The following CUL4A variants were observed in gnomAD, a reference collection of about 807,000 sequenced individuals.
The protein encoded by CUL4A is cullin 4A.
CUL4A carries 16 observed loss-of-function variants against 95.5 expected under a neutral mutation model. The observed-to-expected ratio is 0.17, with a 90% CI of 0.11 to 0.25. The LOEUF is 0.25. CUL4A is among the 10% of genes least tolerant of loss of function. The pLI is 1.00. For synonymous variants in CUL4A, 380 were observed against 353.1 expected (o/e 1.08, Z -0.85); for missense variants, 610 against 937.0 (o/e 0.65, Z 4.56).
chr13:113,217,882 T>C (rs1198167193), intron 2 of CUL4A, among the ~76,000 whole-genome samples: 1 of 152,234 alleles, frequency 6.6e-6, no homozygotes, highest in Non-Finnish European at 1.5e-5. Context: ...CTGGTAAGAA[T>C]GTACAAGCAT....
At chr13:113,212,058 T>C (rs1271434071) in intron 2 of CUL4A, among the ~76,000 whole-genome samples, 1 of 152,260 alleles carries the variant, frequency 6.6e-6, no homozygotes, top group Non-Finnish European at 1.5e-5. Flanking sequence ...TGCATTTCCC[T>C]CTGATGCTAA....
At chr13:113,209,918 A>G (rs1007616038) in intron 1 of CUL4A, 55 bp from the exon 2 acceptor site, 159 of 1,377,874 alleles carry the variant, frequency 1.2e-4, no homozygotes, top group Non-Finnish European at 1.4e-4. Context: ...GGGGGTGGCT[A>G]CGCGGGGCGC....
chr13:113,260,075 G>T (rs957276151), intron 18 of CUL4A, among the ~76,000 whole-genome samples: 2 of 150,340 alleles, frequency 1.3e-5, no homozygotes, highest in Admixed American at 6.7e-5. Flanking sequence ...ATGGTGGGGG[G>T]GCACCGTAGT....
intron 3 of CUL4A, chr13:113,219,570 C>G (rs1172239789): frequency 6.5e-6 from 1 of 154,424 alleles, no homozygotes; most frequent in South Asian, 2.0e-4. Flanking sequence ...GACTGAGGGC[C>G]CTGCCTTCTG....
chr13:113,216,557 A>G (rs997960597), intron 2 of CUL4A, among the ~76,000 whole-genome samples: 2 of 152,246 alleles, frequency 1.3e-5, no homozygotes, highest in African/African-American at 4.8e-5. Flanking sequence ...TCTACCTCCG[A>G]TCATTGGATT....
chr13:113,251,244 G>A (rs1447788493), intron 15 of CUL4A, among the ~76,000 whole-genome samples: 1 of 152,194 alleles, frequency 6.6e-6, no homozygotes, highest in Non-Finnish European at 1.5e-5. Context: ...TAGGTTTCAT[G>A]AGGGAGATGG....
intron 5 of CUL4A, among the ~76,000 whole-genome samples, chr13:113,230,780 T>TTAG (rs34774085): frequency 0.18 from 27,214 of 151,908 alleles, 2,816 homozygotes; most frequent in South Asian, 0.38. Flanking sequence ...ATTATTATTA[T>TTAG]TATTTTTAGA....
intron 2 of CUL4A, 131 bp downstream of exon 2, chr13:113,210,219 G>C: frequency 5.4e-6 from 3 of 555,342 alleles, no homozygotes; most frequent in Non-Finnish European, 9.0e-6. Context: ...CTCCACTGCA[G>C]GGCCGGGAGC....
At chr13:113,256,178 G>A (rs1352887368) in intron 18 of CUL4A, among the ~76,000 whole-genome samples, 3 of 152,090 alleles carry the variant, frequency 2.0e-5, no homozygotes, top group African/African-American at 7.2e-5. Flanking sequence ...AAACACCTGG[G>A]ATCACTGTAC....
chr13:113,213,866 T>G (rs2040543428), intron 2 of CUL4A, among the ~76,000 whole-genome samples: 1 of 152,248 alleles, frequency 6.6e-6, no homozygotes, highest in South Asian at 2.1e-4. Context: ...TTACTTGTGA[T>G]CATCTCTCCA....
intron 5 of CUL4A, among the ~76,000 whole-genome samples, chr13:113,230,833 C>T (rs1336311547): frequency 1.3e-5 from 2 of 152,054 alleles, no homozygotes; most frequent in African/African-American, 4.8e-5. Flanking sequence ...TGCAGTGGCA[C>T]AATCATAACT....
At chr13:113,217,264 T>G (rs569564559) in intron 2 of CUL4A, among the ~76,000 whole-genome samples, 1 of 152,268 alleles carries the variant, frequency 6.6e-6, no homozygotes, top group Middle Eastern at 3.4e-3. Flanking sequence ...CTCTTGGTTG[T>G]TTGAGGAGAC....
intron 19 of CUL4A, among the ~76,000 whole-genome samples, chr13:113,262,639 A>AC (rs1481855342): frequency 6.6e-6 from 1 of 152,190 alleles, no homozygotes; most frequent in African/African-American, 2.4e-5. Flanking sequence ...ACAAAATGAG[A>AC]CCCCATCTCA....
chr13:113,231,450 A>G (rs2041306782), intron 5 of CUL4A, among the ~76,000 whole-genome samples: 1 of 152,094 alleles, frequency 6.6e-6, no homozygotes, highest in Non-Finnish European at 1.5e-5. Context: ...GGGGAGTGGG[A>G]GGTGGGGAGG....
intron 9 of CUL4A, 71 bp from the exon 10 acceptor site, chr13:113,239,362 G>A (rs1171777460): frequency 4.1e-5 from 53 of 1,281,992 alleles, no homozygotes; most frequent in Non-Finnish European, 5.6e-5. Context: ...TCTGGTGCAC[G>A]CTGTATTCTA....
At chr13:113,210,161 G>A in intron 2 of CUL4A, 73 bp downstream of exon 2, 1 of 1,062,186 alleles carries the variant, frequency 9.4e-7, no homozygotes, top group African/African-American at 1.7e-5. Context: ...CGGCCGCTCC[G>A]GGTGCCTCGC....
At chr13:113,249,744 T>G (rs1479689318) in intron 15 of CUL4A, among the ~76,000 whole-genome samples, 1 of 152,148 alleles carries the variant, frequency 6.6e-6, no homozygotes, top group Non-Finnish European at 1.5e-5. Flanking sequence ...GCTTCCCACC[T>G]TCTCACCTAC....
chr13:113,209,885 G>T, intron 1 of CUL4A, 88 bp from the exon 2 acceptor site: 2 of 1,198,474 alleles, frequency 1.7e-6, no homozygotes, highest in Non-Finnish European at 2.1e-6. Flanking sequence ...CGGGAGCGGG[G>T]GCGCCGGGGC....
chr13:113,246,860 C>T (rs1223402733), intron 15 of CUL4A, among the ~76,000 whole-genome samples: 2 of 152,110 alleles, frequency 1.3e-5, no homozygotes, highest in Admixed American at 1.3e-4. Flanking sequence ...CATTGTTATG[C>T]TTAGGTTTGA....
Sources: allele counts gnomAD v4.1 joint callset (sites outside exome capture counted in the v4.1 genomes callset), GRCh38; gene constraint gnomAD v4.1.1; transcripts MANE v1.5; gene names NCBI Gene and HGNC (gene_info 2026-07-23, HGNC 2026-07-21).